AARS2: variants seen among roughly 807,000 people sequenced by gnomAD.
AARS2 encodes alanyl-tRNA synthetase 2, mitochondrial, also known as alanine--tRNA ligase, mitochondrial.
AARS2 carries 78 observed loss-of-function variants against 119.7 expected under a neutral mutation model. The ratio of observed to expected loss-of-function variants is 0.65; its 90% confidence interval spans 0.54 to 0.79. The LOEUF (loss-of-function observed/expected upper bound fraction) is 0.79, where lower values mean the gene tolerates loss of function less well. Among genes scored for constraint, AARS2 ranks in the 30% least tolerant of loss-of-function variants. The pLI is 0.00. For synonymous variants in AARS2, 502 were observed against 526.3 expected (o/e 0.95, Z 0.63); for missense variants, 1,157 against 1,291.3 (o/e 0.90, Z 1.59).
In AARS2 at chr6:44,301,299, G is replaced by A. The variant is rs776870401; in HGVS notation, c.2683-33C>T. ...ACGAAAGACAGATGGTGAGCCCATC[G>A]CTTCCCAGACCCCTAGCTGTCTCCT... On this transcript the variant is annotated intron_variant, in intron 20 of 21. Coordinates refer to ENST00000244571, the MANE Select transcript of AARS2 (RefSeq NM_020745.4). 114 of 1,613,152 alleles carry A rather than the reference G, an allele frequency of 7.1e-5. No homozygotes were observed. The highest frequency in any genetic ancestry group is 9.0e-5 in the Non-Finnish European group (106 of 1,179,402).
At position 44,301,481 on chromosome 6, in the gene AARS2, A is replaced by T. The variant is rs1233272422; in HGVS notation, c.2599-17T>A. ...CTTTGCAGCCTATGGGGCAGGAAGG[A>T]CAAGCAGAGGGGTCAGGCTGAGAGG... On this transcript the variant is annotated splice_polypyrimidine_tract_variant and intron_variant, in intron 19 of 21. Transcript: ENST00000244571. 8 of 1,607,220 alleles carry T rather than the reference A, an allele frequency of 5.0e-6. No homozygotes were observed. The highest frequency in any genetic ancestry group is 6.8e-6 in the Non-Finnish European group (8 of 1,175,650).
chr6:44,300,526 G>A lies in AARS2; in HGVS notation c.*21C>T, dbSNP rs769161306. The stretch of plus-strand genomic sequence containing the variant: ...TCCTGGCATTGCCTTTAGTCCATGT[G>A]GGTCCCTGGGCGGACCTGGGTCAGA... On this transcript the variant is annotated 3_prime_UTR_variant, in exon 22 of 22. Coordinates refer to ENST00000244571, the MANE Select transcript of AARS2 (RefSeq NM_020745.4). 6 of 1,613,830 alleles carry A rather than the reference G, an allele frequency of 3.7e-6. No individual in the cohort carries two copies. The South Asian group carries it at 6.6e-5, about 18-fold the overall frequency.
intron 14 of AARS2, among the ~76,000 whole-genome samples, chr6:44,303,701 G>A (rs1398426507): frequency 6.6e-6 from 1 of 152,214 alleles, no homozygotes; most frequent in Non-Finnish European, 1.5e-5. Context: ...GAGCTTACAA[G>A]GGGTAGCCCA....
At chr6:44,301,133 G>C (rs377320721) in intron 21 of AARS2, 23 bp downstream of exon 21, 28 of 1,599,312 alleles carry the variant, frequency 1.8e-5, no homozygotes, top group Middle Eastern at 1.7e-4. Context: ...GGGGGCGGTG[G>C]GCTGCTCTCC....
At chr6:44,304,078 G>T in intron 14 of AARS2, 103 bp downstream of exon 14, 1 of 1,553,584 alleles carries the variant, frequency 6.4e-7, no homozygotes, top group African/African-American at 1.4e-5. Context: ...TGGCCGTGCT[G>T]GGCCTAGAGC....
chr6:44,306,252 T>C, intron 9 of AARS2, 28 bp downstream of exon 9: 1 of 1,610,006 alleles, frequency 6.2e-7, no homozygotes, highest in Middle Eastern at 1.7e-4. Flanking sequence ...AGCGAGCCCC[T>C]TGTGCATGGG....
At position 44,305,248 on chromosome 6, in the gene AARS2, G is replaced by C. The variant is rs756416944; in HGVS notation, c.1435-50C>G. On this transcript the variant is annotated intron_variant, in intron 10 of 21. Coordinates refer to ENST00000244571, the MANE Select transcript of AARS2 (RefSeq NM_020745.4). The surrounding 1 kb of genome is among the most constrained non-coding windows in gnomAD (Gnocchi z 4.6). ...AGAAGTGCATGGAGAATGAAAGAATGAAAGTGGGACTTCAGCCTCGCAGGG... is the reference window on the plus strand; with the variant it reads ...AGAAGTGCATGGAGAATGAAAGAATCAAAGTGGGACTTCAGCCTCGCAGGG... 3 of 1,602,826 alleles carry C rather than the reference G, an allele frequency of 1.9e-6. No homozygotes were observed. The highest frequency in any genetic ancestry group is 2.7e-5 in the African/African-American group (2 of 74,876).
At chr6:44,300,893 A>G (rs1180600741) in intron 21 of AARS2, 182 bp from the exon 22 acceptor site, 3 of 796,624 alleles carry the variant, frequency 3.8e-6, no homozygotes, top group Non-Finnish European at 6.2e-6. Flanking sequence ...GGGGAGGTGT[A>G]TGAACGTGAA....
In AARS2 at chr6:44,302,351, T is replaced by C. The variant is rs184233863; in HGVS notation, c.2487+40A>G. On this transcript the variant is annotated intron_variant, in intron 18 of 21. Coordinates refer to ENST00000244571, the MANE Select transcript of AARS2 (RefSeq NM_020745.4). ...GTCCAGGGAGGAATAGGGGAGGTAA[T>C]AGGGCTAGGAGAGGGTGGGGTGGTA... 10 of 1,613,704 alleles carry C rather than the reference T, an allele frequency of 6.2e-6. 1 individual carries two copies. Among genetic ancestry groups the C allele is most frequent in the Middle Eastern group, 3.4e-4 (2 of 5,886 alleles).
rs756500207 is a variant in AARS2 at position 44,300,742 on chromosome 6, CAG to C, written c.2794-33_2794-32del. ...AACAGAATCAGAAGAGGAAGCGATG[CAG>C]AGTGGCCCTCCCTGCCAGCATCCAC... On this transcript the variant is annotated intron_variant, in intron 21 of 21. Coordinates refer to ENST00000244571, the MANE Select transcript of AARS2 (RefSeq NM_020745.4). The C allele has an allele frequency of 2.5e-6, 4 of 1,607,062 alleles. No individual in the cohort carries two copies. In the African/African-American group the frequency reaches 5.3e-5, roughly 21 times the overall value.
Position 44,306,495 on chromosome 6 carries a change from T to C in AARS2, c.1187A>G (p.Gln396Arg). Reference protein sequence around the residue: ...AYPELQRNSAQIANLVSEDEA... With the variant: ...AYPELQRNSARIANLVSEDEA... ...TTCTCTCCCACTGGAATCCAGTACC[T>C]GGGCTGAGTTCCTTTGCAGTTCTGG... Residue 396 changes from glutamine (Q) to arginine (R), a missense_variant and splice_region_variant, in exon 8 of 22, where the codon CAG becomes CGG. Gln to Arg is a conservative substitution (Grantham distance 43). Transcript: ENST00000244571. 6.2e-7 allele frequency: 1 copy of C among 1,614,174 alleles called. No individual in the cohort carries two copies. Among genetic ancestry groups the C allele is most frequent in the Non-Finnish European group, 8.5e-7 (1 of 1,180,020 alleles).
chr6:44,304,880 T>C, intron 11 of AARS2, 63 bp from the exon 12 acceptor site: 1 of 1,611,856 alleles, frequency 6.2e-7, no homozygotes, highest in Non-Finnish European at 8.5e-7. Flanking sequence ...GGTGGGTCTG[T>C]GCCTGGAGGC....
Position 44,310,413 on chromosome 6 carries a change from G to A in AARS2, c.780C>T (p.Pro260=). The change falls in exon 5 of 22, where the codon CCC becomes CCT. Residue 260 remains proline, a synonymous_variant. Transcript: ENST00000244571. ...CCATTCCTGTGTCCACATGCCGCTG[G>A]GGCAGGGGCTGCAGGCTTCCATCTG... ...READGSLQPL[P]QRHVDTGMGL... is the part of the protein sequence containing the mutation. The A allele has an allele frequency of 1.2e-6, 2 of 1,614,030 alleles. No homozygotes were observed. The highest frequency in any genetic ancestry group is 1.7e-6 in the Non-Finnish European group (2 of 1,179,980).
intron 19 of AARS2, 35 bp downstream of exon 19, chr6:44,302,025 T>A: frequency 6.2e-7 from 1 of 1,606,112 alleles, no homozygotes. Context: ...CTGGAGTGTC[T>A]CTGGGCACAT....
Position 44,302,825 on chromosome 6 carries a change from CG to C in AARS2, c.2340del (p.Val781SerfsTer12). 1 of 1,613,920 alleles carries C rather than the reference CG, an allele frequency of 6.2e-7. No homozygotes were observed. The highest frequency in any genetic ancestry group is 8.5e-7 in the Non-Finnish European group (1 of 1,179,968). On this transcript the variant is annotated frameshift_variant, in exon 17 of 22. Coordinates refer to ENST00000244571, the MANE Select transcript of AARS2 (RefSeq NM_020745.4). LOFTEE classifies it high-confidence loss of function. Reference sequence around the variant, plus strand: ...ACCTGCTGGGCCTGCTCCCCAGTGACGGCCAGCAGGCGGGTAGTGCCCTTGG... The same window carrying C: ...ACCTGCTGGGCCTGCTCCCCAGTGACGCCAGCAGGCGGGTAGTGCCCTTGG... The part of the protein sequence containing the change: ...QLSKGTTRLL[A>X]VTGEQAQQAR...
At chr6:44,301,864 G>A (rs1785385054) in intron 19 of AARS2, among the ~76,000 whole-genome samples, 196 bp downstream of exon 19, 1 of 152,144 alleles carries the variant, frequency 6.6e-6, no homozygotes, top group Non-Finnish European at 1.5e-5. Flanking sequence ...GGGAGTTGGG[G>A]GAGAAACACA....
At chr6:44,301,582 A>C (rs765511172) in intron 19 of AARS2, 118 bp from the exon 20 acceptor site, 23 of 991,308 alleles carry the variant, frequency 2.3e-5, no homozygotes, top group Admixed American at 3.8e-5. Flanking sequence ...CCACCCCAAA[A>C]GTCATTAGCT....
At chr6:44,313,033 C>T in intron 1 of AARS2, 48 bp downstream of exon 1, 1 of 1,609,448 alleles carries the variant, frequency 6.2e-7, no homozygotes, top group Middle Eastern at 1.6e-4. Context: ...TCTTTCTCAC[C>T]AGAAAACTCA....
intron 5 of AARS2, among the ~76,000 whole-genome samples, chr6:44,308,376 T>C (rs764783401): frequency 2.0e-5 from 3 of 152,008 alleles, no homozygotes; most frequent in Non-Finnish European, 1.5e-5. Flanking sequence ...CCATCTGTAC[T>C]AAAAATACAA....
Sources: allele counts gnomAD v4.1 joint callset (sites outside exome capture counted in the v4.1 genomes callset), GRCh38; gene constraint gnomAD v4.1.1; non-coding constraint Gnocchi (gnomAD v3.1); transcripts MANE v1.5; gene names NCBI Gene and HGNC (gene_info 2026-07-23, HGNC 2026-07-21).